The following LAMB1 variants were observed in gnomAD, a reference collection of about 807,000 sequenced individuals.
LAMB1 encodes the protein laminin subunit beta 1.
LAMB1 carries 121 observed loss-of-function variants against 222.3 expected under a neutral mutation model. That is an observed-to-expected ratio of 0.54 (90% CI 0.47 to 0.63). The LOEUF is 0.63. Ranked by LOEUF, LAMB1 falls within the 30% of genes least tolerant of loss-of-function variation. The probability of loss-of-function intolerance (pLI) is 0.00; values close to 1 mark genes in which losing one functional copy is unlikely to be tolerated. For missense variants in LAMB1, 2,172 were observed against 2,240.8 expected (o/e 0.97, Z 0.62); for synonymous variants, 794 against 807.2 (o/e 0.98, Z 0.28).
intron 7 of LAMB1, 78 bp downstream of exon 7, chr7:107,985,944 C>T (rs1346691771): frequency 6.2e-6 from 7 of 1,132,638 alleles, no homozygotes; most frequent in Admixed American, 1.9e-5. Context: ...GCAACAAGAG[C>T]GGAACTCTGT....
At chr7:107,991,514 G>A (rs1225988619) in intron 5 of LAMB1, among the ~76,000 whole-genome samples, 1 of 151,856 alleles carries the variant, frequency 6.6e-6, no homozygotes, top group East Asian at 1.9e-4. Context: ...TTGAACCCAG[G>A]AGGCAGAGGC....
chr7:107,947,771 C>T (rs2033148616), intron 24 of LAMB1, among the ~76,000 whole-genome samples: 1 of 152,252 alleles, frequency 6.6e-6, no homozygotes, highest in East Asian at 1.9e-4. Flanking sequence ...TGACAGACTG[C>T]CTTAAGCACT....
chr7:107,950,015 A>G (rs2033206618), intron 24 of LAMB1, among the ~76,000 whole-genome samples: 1 of 152,182 alleles, frequency 6.6e-6, no homozygotes, highest in Non-Finnish European at 1.5e-5. Context: ...GTGAATCATG[A>G]GGTCAGGAGT....
In LAMB1 at chr7:107,953,452, G is replaced by A. The variant is rs113644619; in HGVS notation, c.3079+78C>T. The A allele has an allele frequency of 2.8e-5, 30 of 1,071,620 alleles. No individual in the cohort carries two copies. In the East Asian group the frequency reaches 7.0e-4, roughly 25 times the overall value. The allele number at this position is 1,071,620 out of a possible 1,614,324, so 66.4% of individuals were successfully genotyped here. A position where few individuals can be genotyped will look rare whatever the true frequency, so the allele number is the denominator to read the frequency against. On this transcript the variant is annotated intron_variant, in intron 22 of 33. Coordinates refer to ENST00000222399, the MANE Select transcript of LAMB1 (RefSeq NM_002291.3). ...TGTTTTCCCAAGTGAAATAAATACA[G>A]GAAGAATAAAATCTGCTGATAATGA...
In LAMB1 at chr7:107,931,374, T is replaced by C. The variant is rs140213228; in HGVS notation, c.4519A>G (p.Ile1507Val). Residue 1507 changes from isoleucine to valine, a missense_variant, in exon 29 of 34, where the codon ATC (isoleucine) becomes GTC (valine). Coordinates refer to ENST00000222399, the MANE Select transcript of LAMB1 (RefSeq NM_002291.3). Reference protein sequence around the residue: ...NEELRNLIKQIRNFLTQDSAD... With the variant: ...NEELRNLIKQVRNFLTQDSAD... The stretch of plus-strand genomic sequence containing the variant: ...TTCTTACGGGTCAAAAAGTTTCTGA[T>C]TTGCTTGATTAGATTTCTCAGCTCC... 39 of 1,613,160 alleles carry C rather than the reference T, an allele frequency of 2.4e-5. No homozygotes were observed. In the African/African-American group the frequency reaches 4.9e-4, roughly 20 times the overall value.
At chr7:107,938,498 A>G (rs2032902512) in intron 25 of LAMB1, among the ~76,000 whole-genome samples, 1 of 152,150 alleles carries the variant, frequency 6.6e-6, no homozygotes, top group African/African-American at 2.4e-5. Context: ...CTTGGATAGT[A>G]TGTTGAAAAA....
In LAMB1 at chr7:107,932,368, T is replaced by C; in HGVS notation, c.4198A>G (p.Thr1400Ala). 6.2e-7 allele frequency: 1 copy of C among 1,614,176 alleles called. No individual in the cohort carries two copies. Among genetic ancestry groups the C allele is most frequent in the Non-Finnish European group, 8.5e-7 (1 of 1,180,014 alleles). The change falls in exon 28 of 34, where the codon ACA becomes GCA. Residue 1400 changes from threonine to alanine, a missense_variant. Thr to Ala is a moderately conservative substitution (Grantham distance 58, BLOSUM62 0). Transcript: ENST00000222399. ...LSAAAEMTCG[T>A]PPGASCSETE... ...TCGGAACAGGAGGCCCCTGGGGGTG[T>C]TCCACAGGTCTGCAACAAGCCAAGG...
chr7:107,952,434 TACAC>T (rs1237776566), intron 22 of LAMB1, among the ~76,000 whole-genome samples: 1 of 152,248 alleles, frequency 6.6e-6, no homozygotes, highest in East Asian at 1.9e-4. Context: ...ATTTCCCAGA[TACAC>T]ACAATGACAC....
intron 5 of LAMB1, among the ~76,000 whole-genome samples, chr7:107,992,886 C>A (rs1584539619): frequency 6.6e-6 from 1 of 152,138 alleles, no homozygotes; most frequent in Non-Finnish European, 1.5e-5. Context: ...TAGAGCAAGA[C>A]TCAGTATTTA....
Position 107,957,440 on chromosome 7 carries a change from T to G in LAMB1, c.2690+1809A>C, listed in dbSNP as rs549065631. On this transcript the variant is annotated intron_variant, in intron 20 of 33. Coordinates refer to ENST00000222399, the MANE Select transcript of LAMB1 (RefSeq NM_002291.3). ...CAAAAAGCCTGTAATCCCAGCTACT[T>G]GGGAGGCTGAGGCAGGAGAATTGCT... is the stretch of plus-strand genomic sequence containing the variant. Among the ~76,000 whole-genome samples the G allele has an allele frequency of 2.6e-5, 4 of 152,146 alleles. No individual in the cohort carries two copies. In the East Asian group the frequency reaches 5.8e-4, roughly 22 times the overall value.
At chr7:107,955,243 C>T (rs1415295853) in intron 21 of LAMB1, among the ~76,000 whole-genome samples, 1 of 152,198 alleles carries the variant, frequency 6.6e-6, no homozygotes, top group African/African-American at 2.4e-5. Flanking sequence ...TTTCCACGAG[C>T]TTACTTTCCT....
chr7:108,002,108 C>A (rs904640878), intron 2 of LAMB1: 15 of 1,477,590 alleles, frequency 1.0e-5, no homozygotes, highest in African/African-American at 1.6e-5. Flanking sequence ...GGGAGGCTGA[C>A]CCCCAAAGGG....
At chr7:107,929,319 G>A (rs1452092749) in intron 30 of LAMB1, 93 bp downstream of exon 30, 3 of 1,495,302 alleles carry the variant, frequency 2.0e-6, no homozygotes, top group Non-Finnish European at 2.8e-6. Context: ...ACTCGCATAG[G>A]TCCTTCTTAG....
At chr7:107,994,821 AT>A in intron 5 of LAMB1, 65 bp downstream of exon 5, 1 of 870,070 alleles carries the variant, frequency 1.1e-6, no homozygotes, top group Admixed American at 2.1e-5. Flanking sequence ...TCTGACATCC[AT>A]TTTGAAAGGG....
At chr7:107,935,750 T>C in intron 26 of LAMB1, 94 bp from the exon 27 acceptor site, 3 of 1,345,308 alleles carry the variant, frequency 2.2e-6, no homozygotes, top group East Asian at 2.3e-5. Context: ...GGGTCCTAAA[T>C]TTACTGTAAA....
At chr7:107,946,757 G>A (rs1447560469) in intron 24 of LAMB1, among the ~76,000 whole-genome samples, 2 of 152,232 alleles carry the variant, frequency 1.3e-5, no homozygotes, top group East Asian at 1.9e-4. Flanking sequence ...AAGGTGGGTG[G>A]TTGTGAAAGA....
chr7:108,001,432 G>T (rs545420008), intron 3 of LAMB1, 126 bp downstream of exon 3: 1 of 1,053,638 alleles, frequency 9.5e-7, no homozygotes, highest in Non-Finnish European at 1.3e-6. Flanking sequence ...CTAATCCCGG[G>T]ACTCCCCGGC....
chr7:107,949,055 G>A (rs141606310), intron 24 of LAMB1, among the ~76,000 whole-genome samples: 1 of 152,242 alleles, frequency 6.6e-6, no homozygotes, highest in Non-Finnish European at 1.5e-5. Context: ...AGTTTCTTAC[G>A]TAATGAGCTG....
At chr7:107,973,556 C>T (rs971453963) in intron 12 of LAMB1, among the ~76,000 whole-genome samples, 2 of 151,922 alleles carry the variant, frequency 1.3e-5, no homozygotes, top group East Asian at 3.9e-4. Context: ...CTTTAGAGCA[C>T]CAGAGATGGA....
Sources: gnomAD v4.1 joint callset for allele counts (sites outside exome capture counted in the v4.1 genomes callset) on GRCh38, gnomAD v4.1.1 for gene constraint, MANE v1.5 for transcripts, NCBI Gene and HGNC (gene_info 2026-07-23, HGNC 2026-07-21) for gene names.